Variants in MYH2 observed in about 807,000 individuals in gnomAD.
The protein encoded by MYH2 is myosin-2.
Under a neutral mutation model 228.1 loss-of-function variants are expected in MYH2, and 139 were observed. The observed-to-expected ratio is 0.61, with a 90% CI of 0.53 to 0.70. The LOEUF is 0.70. Among genes scored for constraint, MYH2 ranks in the 30% least tolerant of loss-of-function variants. The pLI is 0.00. For synonymous variants in MYH2, 796 were observed against 871.1 expected, an observed-to-expected ratio of 0.91 and a Z score of 1.52; for missense variants, 1,809 against 2,357.5, an observed-to-expected ratio of 0.77 and a Z score of 4.82.
At chr17:10,522,869 G>C (rs150775096) in intron 39 of MYH2, among the ~76,000 whole-genome samples, 38 of 151,812 alleles carry the variant, frequency 2.5e-4, no homozygotes, top group African/African-American at 8.9e-4. Context: ...AATATGGCCT[G>C]TATTATTTCT....
chr17:10,537,574 T>C lies in MYH2; in HGVS notation c.1588-32A>G, dbSNP rs200692688. 14 of 1,613,928 alleles carry C rather than the reference T, an allele frequency of 8.7e-6. No individual in the cohort carries two copies. Among genetic ancestry groups the C allele is most frequent in the South Asian group, 3.3e-5 (3 of 91,054 alleles). On this transcript the variant is annotated intron_variant, in intron 15 of 39. Coordinates refer to ENST00000245503, the MANE Select transcript of MYH2 (RefSeq NM_017534.6). The surrounding 1 kb of genome is among the most constrained non-coding windows in gnomAD (Gnocchi z 4.0). ...AGCAGACCACAACACAAAATTGTAC[T>C]TCTATTTTTTTTTCTGTCTATAGAA...
rs771919379 is a variant in MYH2 at position 10,535,090 on chromosome 17, A to G, written c.2163T>C (p.Tyr721=). 3.3e-5 allele frequency: 54 copies of G among 1,614,176 alleles called. No homozygotes were observed. The highest frequency in any genetic ancestry group is 4.2e-5 in the Non-Finnish European group (50 of 1,179,980). ...AAACTGACCTCTGTTTGAAGTCTGC[A>G]TAAAGGATTCTGCTTGGAAATCCTT... ...CRKGFPSRIL[Y]ADFKQRYKVL... The change falls in exon 19 of 40, where the codon TAT becomes TAC. Residue 721 remains tyrosine, a synonymous_variant. Coordinates refer to ENST00000245503, the MANE Select transcript of MYH2 (RefSeq NM_017534.6).
chr17:10,521,354 T>C lies in MYH2; in HGVS notation c.5752A>G (p.Ile1918Val), dbSNP rs2142287694. ...ELEEAEERAD[I>V]AESQVNKLRV... Reference sequence around the variant, plus strand: ...AGTTTGTTCACCTGGGACTCAGCAATGTCAGCCCGTTCCTCGGCCTCCTCC... The same window carrying C: ...AGTTTGTTCACCTGGGACTCAGCAACGTCAGCCCGTTCCTCGGCCTCCTCC... The change falls in exon 40 of 40, where the codon ATT (isoleucine) becomes GTT (valine). Residue 1918 changes from isoleucine (I) to valine (V), a missense_variant. Ile to Val is a conservative substitution (Grantham distance 29). Transcript: ENST00000245503. 1 of 1,614,170 alleles carries C rather than the reference T, an allele frequency of 6.2e-7. No homozygotes were observed. The highest frequency in any genetic ancestry group is 2.2e-5 in the East Asian group (1 of 44,868).
In MYH2 at chr17:10,526,596, T is replaced by C; in HGVS notation, c.4187+3A>G. The C allele has an allele frequency of 6.2e-7, 1 of 1,614,018 alleles. No homozygotes were observed. The highest frequency in any genetic ancestry group is 1.1e-5 in the South Asian group (1 of 91,080). ...GCTCATTCTCTCATATCTGTGCACATACTTGGCCTCCTCCAGCTCCTCTGT... is the reference window on the plus strand; with the variant it reads ...GCTCATTCTCTCATATCTGTGCACACACTTGGCCTCCTCCAGCTCCTCTGT... On this transcript the variant is annotated splice_donor_region_variant and intron_variant, in intron 30 of 39. Transcript: ENST00000245503.
chr17:10,532,461 G>T (rs1217112974), intron 21 of MYH2, among the ~76,000 whole-genome samples: 1 of 151,956 alleles, frequency 6.6e-6, no homozygotes, highest in Non-Finnish European at 1.5e-5. Flanking sequence ...TCATCTAAAT[G>T]ATTTTTACAG....
Position 10,524,389 on chromosome 17 carries a change from G to C in MYH2, c.5175+77C>G, listed in dbSNP as rs2073321822. 2 of 1,578,074 alleles carry C rather than the reference G, an allele frequency of 1.3e-6. No individual in the cohort carries two copies. Among genetic ancestry groups the C allele is most frequent in the African/African-American group, 1.3e-5 (1 of 74,144 alleles). ...TTTGATAGACATATTAGGTCTAGCT[G>C]TCTTATGAAAACTCAGGCTTATCTA... is the stretch of plus-strand genomic sequence containing the variant. On this transcript the variant is annotated intron_variant, in intron 35 of 39. Transcript: ENST00000245503. The surrounding 1 kb of genome is among the most constrained non-coding windows in gnomAD (Gnocchi z 4.7).
Position 10,537,999 on chromosome 17 carries a change from G to T in MYH2, c.1417-164C>A, listed in dbSNP as rs1597454893. 2 of 1,320,412 alleles carry T rather than the reference G, an allele frequency of 1.5e-6. No individual in the cohort carries two copies. Among genetic ancestry groups the T allele is most frequent in the Non-Finnish European group, 2.1e-6 (2 of 974,026 alleles). The allele number at this position is 1,320,412 out of a possible 1,614,324, so 81.8% of individuals were successfully genotyped here. Reference sequence around the variant, plus strand: ...AAATAAAAGGTGAAAAGTATGGAAGGTTTGAGGGCATGTGGAAGCTACTAT... The same window carrying T: ...AAATAAAAGGTGAAAAGTATGGAAGTTTTGAGGGCATGTGGAAGCTACTAT... On this transcript the variant is annotated intron_variant, in intron 14 of 39. Coordinates refer to ENST00000245503, the MANE Select transcript of MYH2 (RefSeq NM_017534.6). The surrounding 1 kb of genome is among the most constrained non-coding windows in gnomAD (Gnocchi z 4.0).
At chr17:10,527,916 A>G in intron 27 of MYH2, 42 bp from the exon 28 acceptor site, 1 of 1,600,730 alleles carries the variant, frequency 6.2e-7, no homozygotes, top group South Asian at 1.1e-5. Context: ...AGACCTTTTA[A>G]GCGAATAATA....
Position 10,523,672 on chromosome 17 carries a change from T to G in MYH2, c.5302-6A>C. ...TCCTCAGCCATCATGGCGGCCTAAA[T>G]AGCAAATAAATCAAGAAAACCAAGA... On this transcript the variant is annotated splice_region_variant and splice_polypyrimidine_tract_variant and intron_variant, in intron 36 of 39. Coordinates refer to ENST00000245503, the MANE Select transcript of MYH2 (RefSeq NM_017534.6). The G allele has an allele frequency of 6.2e-7, 1 of 1,614,198 alleles. No individual in the cohort carries two copies. The highest frequency in any genetic ancestry group is 8.5e-7 in the Non-Finnish European group (1 of 1,180,040).
chr17:10,524,586 G>T lies in MYH2; in HGVS notation c.5055C>A (p.Asn1685Lys), dbSNP rs760227750. The T allele has an allele frequency of 1.9e-6, 3 of 1,614,198 alleles. No individual in the cohort carries two copies. The highest frequency in any genetic ancestry group is 1.7e-5 in the Admixed American group (1 of 60,030). Residue 1685 changes from asparagine to lysine, a missense_variant, in exon 35 of 40, where the codon AAC (asparagine) becomes AAA (lysine). Coordinates refer to ENST00000245503, the MANE Select transcript of MYH2 (RefSeq NM_017534.6). The surrounding 1 kb of genome is among the most constrained non-coding windows in gnomAD (Gnocchi z 4.7). ...EQLAMVERRA[N>K]LLQAEIEELR... ...GCTCCTCGATCTCAGCCTGCAGCAG[G>T]TTGGCTCTGCGCTCCACCATGGCCA...
chr17:10,527,465 A>C (rs2073368733), intron 28 of MYH2, among the ~76,000 whole-genome samples: 2 of 152,214 alleles, frequency 1.3e-5, no homozygotes, highest in Non-Finnish European at 2.9e-5. Context: ...TTGGCCTGAA[A>C]GAGAAGCCCT....
chr17:10,529,275 C>T (rs776886919), intron 25 of MYH2, 23 bp from the exon 26 acceptor site: 2 of 1,614,140 alleles, frequency 1.2e-6, no homozygotes, highest in Non-Finnish European at 1.7e-6. Context: ...TAGCAAAGGA[C>T]AACAATTTAG....
At position 10,525,685 on chromosome 17, in the gene MYH2, G is replaced by A. The variant is rs368534809; in HGVS notation, c.4371+8C>T. Reference sequence around the variant, plus strand: ...AGAGTAAAGAGCAGAAGATGCTGGAGGAATTACCTTATCGAAGTTCCTTTG... The same window carrying A: ...AGAGTAAAGAGCAGAAGATGCTGGAAGAATTACCTTATCGAAGTTCCTTTG... On this transcript the variant is annotated splice_region_variant and intron_variant, in intron 31 of 39. Coordinates refer to ENST00000245503, the MANE Select transcript of MYH2 (RefSeq NM_017534.6). The surrounding 1 kb of genome is among the most constrained non-coding windows in gnomAD (Gnocchi z 4.2). 3.7e-6 allele frequency: 6 copies of A among 1,614,190 alleles called. 1 individual carries two copies. The Admixed American group carries it at 6.7e-5, about 18-fold the overall frequency.
rs375556449 is a variant in MYH2 at position 10,539,593 on chromosome 17, T to C, written c.1148-31A>G. On this transcript the variant is annotated intron_variant, in intron 12 of 39. Transcript: ENST00000245503. ...AAGAAGAAAGAGTAGAACAATGTTA[T>C]TGTGGCCCAAAGAAACCCACTTCCT... 174 of 1,586,082 alleles carry C rather than the reference T, an allele frequency of 1.1e-4. No homozygotes were observed. The African/African-American group carries it at 2.2e-3, about 20-fold the overall frequency.
At chr17:10,532,148 T>TAGATTC (rs746575201) in intron 21 of MYH2, among the ~76,000 whole-genome samples, 12 of 152,176 alleles carry the variant, frequency 7.9e-5, no homozygotes, top group East Asian at 1.9e-4. Context: ...CTCACCTCCG[T>TAGATTC]AGATTCAGAT....
Position 10,530,060 on chromosome 17 carries a change from C to A in MYH2, c.2712G>T (p.Leu904Phe). 1 of 1,614,230 alleles carries A rather than the reference C, an allele frequency of 6.2e-7. No individual in the cohort carries two copies. The change falls in exon 23 of 40, where the codon TTG (leucine) becomes TTT (phenylalanine). Residue 904 changes from leucine to phenylalanine, a missense_variant. By Grantham distance (22) the Leu-to-Phe change is conservative (BLOSUM62 0). This residue lies in a region of MYH2 where 276 missense variants were observed against 344.2 expected (regional missense o/e 0.80). Transcript: ENST00000245503. ...QLQVQAEAEG[L>F]ADAEERCDQL... The stretch of plus-strand genomic sequence containing the variant: ...GGTCACACCTTTCCTCTGCATCAGC[C>A]AAGCCTTCGGCTTCCTTAAGTTGGA...
At chr17:10,536,161 A>G (rs1321168659) in intron 17 of MYH2, among the ~76,000 whole-genome samples, 1 of 152,174 alleles carries the variant, frequency 6.6e-6, no homozygotes, top group Non-Finnish European at 1.5e-5. Context: ...TTTCTAAACT[A>G]CTCATGGAAT....
chr17:10,541,296 A>G (rs1443910828), intron 10 of MYH2, among the ~76,000 whole-genome samples: 3 of 152,202 alleles, frequency 2.0e-5, no homozygotes, highest in African/African-American at 7.2e-5. Context: ...AGCAAGGAAC[A>G]GCCCTGAGAA....
In MYH2 at chr17:10,524,558, G is replaced by A. The variant is rs2073324639; in HGVS notation, c.5083C>T (p.Arg1695Trp). The A allele has an allele frequency of 8.1e-6, 13 of 1,614,172 alleles. No homozygotes were observed. The highest frequency in any genetic ancestry group is 2.2e-5 in the South Asian group (2 of 91,082). The change falls in exon 35 of 40, where the codon CGG becomes TGG. Residue 1695 changes from arginine to tryptophan, a missense_variant. Transcript: ENST00000245503. This position sits in a 1 kb window ranked among gnomAD's most constrained non-coding sequence, Gnocchi z 4.7. ...CTCTCTGTCTGTTCCAGAGTGGCCC[G>A]CAGCTCCTCGATCTCAGCCTGCAGC... The part of the protein sequence containing the change: ...NLLQAEIEEL[R>W]ATLEQTERSR...
Sources: gnomAD v4.1 joint callset for allele counts (sites outside exome capture counted in the v4.1 genomes callset) on GRCh38, gnomAD v4.1.1 for gene constraint, gnomAD v4.1.1 regional missense constraint, Gnocchi (gnomAD v3.1) non-coding constraint, MANE v1.5 for transcripts, NCBI Gene and HGNC (gene_info 2026-07-23, HGNC 2026-07-21) for gene names.